CELF2: variants seen among roughly 807,000 people sequenced by gnomAD.
The protein encoded by CELF2 is CUGBP Elav-like family member 2.
In CELF2, 8 loss-of-function variants were observed where a neutral mutation model predicts 62.6. The ratio of observed to expected loss-of-function variants is 0.13; its 90% CI spans 0.07 to 0.23. The LOEUF (loss-of-function observed/expected upper bound fraction) is 0.23. CELF2 is among the 10% of genes least tolerant of loss of function. The pLI is 1.00. For missense variants in CELF2, 333 were observed against 671.0 expected, an observed-to-expected ratio of 0.50 and a Z score of 5.56; for synonymous variants, 258 against 250.0, an observed-to-expected ratio of 1.03 and a Z score of -0.30.
At chr10:10,763,303 C>G in the CELF2 span, among the ~76,000 whole-genome samples, 5 of 152,344 alleles carry the variant, frequency 3.3e-5, no homozygotes, top group African/African-American at 9.6e-5. Flanking sequence ...ACCTCCCACT[C>G]ACTGCACATG....
the CELF2 span, among the ~76,000 whole-genome samples, chr10:10,609,872 G>T: frequency 7.2e-5 from 11 of 152,210 alleles, no homozygotes; most frequent in African/African-American, 2.4e-4. Context: ...GATATGCTTG[G>T]AAGAGCAATA....
At chr10:10,903,455 GATGAAAATACAAATGT>G (rs1322195113) in intron 1 of CELF2, among the ~76,000 whole-genome samples, 1 of 152,090 alleles carries the variant, frequency 6.6e-6, no homozygotes, top group Non-Finnish European at 1.5e-5. Context: ...AAACCCAATT[GATGAAAATACAAATGT>G]ATGAAACAGA....
the CELF2 span, among the ~76,000 whole-genome samples, chr10:10,652,120 C>T: frequency 8.9e-6 from 1 of 112,852 alleles, no homozygotes; most frequent in Non-Finnish European, 1.9e-5. Flanking sequence ...GAAAGGGTAT[C>T]AGCGATGGAA....
chr10:11,308,626 A>G (rs1454937281), intron 9 of CELF2, among the ~76,000 whole-genome samples: 2 of 152,254 alleles, frequency 1.3e-5, no homozygotes, highest in Admixed American at 6.5e-5. Context: ...CATATAGCCT[A>G]TTAAAACTTG....
chr10:10,914,464 A>G (rs951640410), intron 1 of CELF2, among the ~76,000 whole-genome samples: 4 of 152,238 alleles, frequency 2.6e-5, no homozygotes, highest in Non-Finnish European at 4.4e-5. Context: ...CATATTTAAA[A>G]TTAAAAGATT....
chr10:10,586,077 A>G, the CELF2 span, among the ~76,000 whole-genome samples: 2 of 152,226 alleles, frequency 1.3e-5, no homozygotes, highest in African/African-American at 4.8e-5. Context: ...AGTGGATGCT[A>G]ATAAAATAAG....
chr10:10,708,944 G>A, the CELF2 span, among the ~76,000 whole-genome samples: 2 of 152,114 alleles, frequency 1.3e-5, no homozygotes, highest in African/African-American at 2.4e-5. Context: ...AAAAATGAAT[G>A]CGTCATTATA....
intron 1 of CELF2, among the ~76,000 whole-genome samples, chr10:11,055,849 C>G (rs952614968): frequency 1.3e-5 from 2 of 152,158 alleles, no homozygotes; most frequent in Non-Finnish European, 2.9e-5. Flanking sequence ...CTAAAGGTTC[C>G]TTTTCAGTCC....
chr10:10,982,885 A>C (rs1226947567), intron 2 of CELF2, among the ~76,000 whole-genome samples: 1 of 149,152 alleles, frequency 6.7e-6, no homozygotes, highest in African/African-American at 2.4e-5. Flanking sequence ...CTTATGGCCT[A>C]CTGGAAATTT....
the CELF2 span, among the ~76,000 whole-genome samples, chr10:10,732,595 C>T: frequency 6.8e-6 from 1 of 147,036 alleles, no homozygotes; most frequent in African/African-American, 2.5e-5. Context: ...ACATTCTTGG[C>T]TCACTGCAAC....
Position 11,296,033 on chromosome 10 carries a change from A to G in CELF2, c.976+7481A>G, listed in dbSNP as rs2093137785. ...GCTGCGCAGCTTTGGGGGTAGAGATATTTACGGTTCACCACAGAGCCCACG... is the reference window on the plus strand; with the variant it reads ...GCTGCGCAGCTTTGGGGGTAGAGATGTTTACGGTTCACCACAGAGCCCACG... On this transcript the variant is annotated intron_variant, in intron 9 of 12. Coordinates refer to ENST00000633077, the MANE Select transcript of CELF2 (RefSeq NM_001326342.2). This position sits in a 1 kb window ranked among gnomAD's most constrained non-coding sequence, Gnocchi z 5.0. Among the ~76,000 whole-genome samples the G allele has an allele frequency of 6.6e-6, 1 of 152,088 alleles. No individual in the cohort carries two copies. The highest frequency in any genetic ancestry group is 2.4e-5 in the African/African-American group (1 of 41,418).
chr10:11,166,276 A>G (rs1344007187), intron 2 of CELF2, among the ~76,000 whole-genome samples: 1 of 152,112 alleles, frequency 6.6e-6, no homozygotes, highest in African/African-American at 2.4e-5. Context: ...GGCCTGACAT[A>G]GTTAGGACAC....
the CELF2 span, among the ~76,000 whole-genome samples, chr10:10,538,257 G>T: frequency 6.7e-6 from 1 of 149,658 alleles, no homozygotes; most frequent in African/African-American, 2.5e-5. Flanking sequence ...TCTCCTTCCT[G>T]CCTCCCTCTG....
intron 1 of CELF2, among the ~76,000 whole-genome samples, chr10:10,806,203 C>CTTTTTTTTTTTTTT (rs112165245): frequency 1.4e-5 from 2 of 141,442 alleles, no homozygotes; most frequent in Non-Finnish European, 3.0e-5. Context: ...TTCCAGTGTT[C>CTTTTTTTTTTTTTT]TTTTTTTTTT....
the CELF2 span, among the ~76,000 whole-genome samples, chr10:10,604,178 C>G: frequency 1.3e-5 from 2 of 152,172 alleles, no homozygotes; most frequent in Admixed American, 6.5e-5. Flanking sequence ...CTACTGTGCT[C>G]CAACCTGGGC....
At chr10:10,750,253 G>T in the CELF2 span, among the ~76,000 whole-genome samples, 1 of 150,570 alleles carries the variant, frequency 6.6e-6, no homozygotes, top group Non-Finnish European at 1.5e-5. Context: ...CTGCACTCCA[G>T]CCTGGCGACG....
At chr10:10,658,024 C>G in the CELF2 span, among the ~76,000 whole-genome samples, 137 of 152,254 alleles carry the variant, frequency 9.0e-4, no homozygotes, top group Non-Finnish European at 8.8e-4. Flanking sequence ...CTTAACATGC[C>G]ACTATGAAAC....
At chr10:10,633,703 A>G in the CELF2 span, among the ~76,000 whole-genome samples, 26 of 115,138 alleles carry the variant, frequency 2.3e-4, no homozygotes, top group African/African-American at 5.6e-4. Flanking sequence ...ATTATTGAGT[A>G]TGTCTGTTAT....
chr10:10,935,827 A>C (rs546045780), intron 2 of CELF2, among the ~76,000 whole-genome samples: 2 of 152,110 alleles, frequency 1.3e-5, no homozygotes, highest in Admixed American at 1.3e-4. Context: ...CCCTTCTCTG[A>C]TATGCATGTG....
Sources: gnomAD v4.1 joint callset for allele counts (sites outside exome capture counted in the v4.1 genomes callset) on GRCh38, gnomAD v4.1.1 for gene constraint, Gnocchi (gnomAD v3.1) non-coding constraint, MANE v1.5 for transcripts, NCBI Gene and HGNC (gene_info 2026-07-23, HGNC 2026-07-21) for gene names.